IRGM: variants seen among roughly 807,000 people sequenced by gnomAD.
IRGM encodes immunity-related GTPase family M protein.
For missense variants in IRGM, 288 were observed against 219.9 expected, an observed-to-expected ratio of 1.31 and a Z score of -1.96; for synonymous variants, 98 against 80.6, an observed-to-expected ratio of 1.22 and a Z score of -1.16.
At chr5:150,870,621 C>T (rs1396864449) in intron 1 of IRGM, among the ~76,000 whole-genome samples, 2 of 150,396 alleles carry the variant, frequency 1.3e-5, no homozygotes, top group African/African-American at 4.9e-5. Flanking sequence ...TTTCAGCTTG[C>T]TTCCAATAGG....
chr5:150,882,258 T>C (rs561199792), intron 3 of IRGM, among the ~76,000 whole-genome samples: 1 of 145,718 alleles, frequency 6.9e-6, no homozygotes, highest in South Asian at 2.2e-4. Context: ...CAATGTATGC[T>C]GTAAAGAAAA....
At chr5:150,889,264 G>C (rs1455391437) in intron 3 of IRGM, among the ~76,000 whole-genome samples, 4 of 151,940 alleles carry the variant, frequency 2.6e-5, no homozygotes, top group South Asian at 4.2e-4. Context: ...CACATGGCTG[G>C]GGAGGCCTCA....
intron 1 of IRGM, among the ~76,000 whole-genome samples, chr5:150,863,042 A>T (rs181020054): frequency 3.3e-5 from 5 of 152,362 alleles, no homozygotes; most frequent in Admixed American, 3.3e-4. Context: ...AAGAAAAACA[A>T]AACAGTAGAG....
intron 3 of IRGM, chr5:150,896,866 A>G (rs1244547302): frequency 6.2e-7 from 1 of 1,613,582 alleles, no homozygotes; most frequent in South Asian, 1.1e-5. Context: ...CAGACTTTTA[A>G]AATGGAGCAC....
At chr5:150,891,893 T>G (rs980324434) in intron 3 of IRGM, among the ~76,000 whole-genome samples, 1 of 152,132 alleles carries the variant, frequency 6.6e-6, no homozygotes, top group African/African-American at 2.4e-5. Context: ...CAGGATCTTT[T>G]AATTTTTTGG....
At chr5:150,854,364 T>C (rs967854397) in intron 1 of IRGM, among the ~76,000 whole-genome samples, 2 of 152,236 alleles carry the variant, frequency 1.3e-5, no homozygotes, top group African/African-American at 4.8e-5. Context: ...ATAAAACTAT[T>C]AGTTTTTATA....
At chr5:150,871,894 C>G (rs1156501968) in intron 1 of IRGM, among the ~76,000 whole-genome samples, 1 of 152,146 alleles carries the variant, frequency 6.6e-6, no homozygotes, top group Non-Finnish European at 1.5e-5. Flanking sequence ...GCTCATTGAT[C>G]CAGTTAAAAG....
chr5:150,896,563 C>T (rs1754790497), intron 3 of IRGM: 1 of 1,613,736 alleles, frequency 6.2e-7, no homozygotes, highest in Non-Finnish European at 8.5e-7. Flanking sequence ...GAATTGGGCT[C>T]ACTCTGGCTA....
At position 150,880,956 on chromosome 5, in the gene IRGM, G is replaced by A. The variant is rs540338977; in HGVS notation, c.*140+1310G>A. On this transcript the variant is annotated intron_variant and NMD_transcript_variant, in intron 3 of 3. Coordinates refer to the IRGM transcript ENST00000520549. ...AGCCTGTCCAATGTGGTAAAACCCC[G>A]TCTCTACTAAAAATACAAAAATTAG... 2.6e-5 allele frequency among the ~76,000 whole-genome samples: 4 copies of A among 151,998 alleles called. No homozygotes were observed. The East Asian group carries it at 5.8e-4, about 22-fold the overall frequency.
At chr5:150,883,762 A>G (rs2113291351) in intron 3 of IRGM, among the ~76,000 whole-genome samples, 1 of 152,154 alleles carries the variant, frequency 6.6e-6, no homozygotes, top group Middle Eastern at 3.4e-3. Flanking sequence ...TCTCCCACCA[A>G]AGAAAAGCCC....
chr5:150,898,362 A>T, intron 3 of IRGM: 1 of 1,611,954 alleles, frequency 6.2e-7, no homozygotes, highest in Non-Finnish European at 8.5e-7. Context: ...CAATCTAATC[A>T]CAGCAACTAG....
chr5:150,899,419 TTA>T (rs1754916739), intron 3 of IRGM, among the ~76,000 whole-genome samples: 1 of 151,364 alleles, frequency 6.6e-6, no homozygotes, highest in South Asian at 2.1e-4. Flanking sequence ...ACATTTTTTT[TTA>T]AAAAAAGAAA....
At chr5:150,891,550 A>G (rs1754610314) in intron 3 of IRGM, among the ~76,000 whole-genome samples, 1 of 151,924 alleles carries the variant, frequency 6.6e-6, no homozygotes, top group South Asian at 2.1e-4. Flanking sequence ...TTAAGCTATA[A>G]CTCTGTTTTG....
chr5:150,878,119 G>GAA, intron 2 of IRGM: 1 of 407,448 alleles, frequency 2.5e-6, no homozygotes, highest in Admixed American at 3.4e-5. Context: ...GCTCAGGTGA[G>GAA]AAAAAAAAAT....
rs145390916 is a variant in IRGM, at chr5:150,853,751, A to G, written c.158+5097A>G. Among the ~76,000 whole-genome samples, 144 of 152,124 alleles carry G rather than the reference A, an allele frequency of 9.5e-4. 1 individual carries two copies. Among genetic ancestry groups the G allele is most frequent in the African/African-American group, 3.3e-3 (137 of 41,502 alleles). On this transcript the variant is annotated intron_variant and NMD_transcript_variant, in intron 1 of 3. Coordinates refer to the IRGM transcript ENST00000520549. ...CTGCTCTCTTTCAGTTCCTGTTTGC[A>G]TGGAATATCTCTTTCCACCCTTCCA... is the stretch of plus-strand genomic sequence containing the variant.
rs371871835 is a variant in IRGM, at chr5:150,892,303, A to G, written c.*141-8286A>G. Reference sequence around the variant, plus strand: ...GAACCAATTCAGAAAACGGTGTGGAAGATTAACTGTGTTAATTACAGAAGG... The same window carrying G: ...GAACCAATTCAGAAAACGGTGTGGAGGATTAACTGTGTTAATTACAGAAGG... On this transcript the variant is annotated intron_variant and NMD_transcript_variant, in intron 3 of 3. Coordinates refer to the IRGM transcript ENST00000520549. Among the ~76,000 whole-genome samples, 414 of 140,152 alleles carry G rather than the reference A, an allele frequency of 3.0e-3. 2 individuals carry two copies. Among genetic ancestry groups the G allele is most frequent in the African/African-American group, 0.012 (398 of 32,456 alleles). The allele number at this position is 140,152 out of a possible 152,430, so 91.9% of individuals were successfully genotyped here. A position where few individuals can be genotyped will look rare whatever the true frequency, so the allele number is the denominator to read the frequency against.
rs568214654 is a variant in IRGM, at chr5:150,890,425, A to G, written c.*141-10164A>G. Among the ~76,000 whole-genome samples, 551 of 148,632 alleles carry G rather than the reference A, an allele frequency of 3.7e-3. 6 individuals carry two copies. The highest frequency in any genetic ancestry group is 0.013 in the African/African-American group (513 of 40,852). On this transcript the variant is annotated intron_variant and NMD_transcript_variant, in intron 3 of 3. Coordinates refer to the IRGM transcript ENST00000520549. ...CTTTTTTCCTGAGTCTGACATATCT[A>G]TCTTCTCAAACAGTCAGCTTTTGAT...
intron 3 of IRGM, among the ~76,000 whole-genome samples, chr5:150,888,246 G>A (rs1320004440): frequency 6.6e-6 from 1 of 151,938 alleles, no homozygotes; most frequent in African/African-American, 2.4e-5. Context: ...ATGGTAAAGG[G>A]TTCAATTCAA....
At chr5:150,874,185 T>C (rs1754329957) in intron 1 of IRGM, among the ~76,000 whole-genome samples, 1 of 152,208 alleles carries the variant, frequency 6.6e-6, no homozygotes, top group Non-Finnish European at 1.5e-5. Flanking sequence ...AGCAATATCC[T>C]ATCTTTGGGG....
Sources: gnomAD v4.1 joint callset for allele counts (sites outside exome capture counted in the v4.1 genomes callset) on GRCh38, gnomAD v4.1.1 for gene constraint, MANE v1.5 for transcripts, NCBI Gene and HGNC (gene_info 2026-07-23, HGNC 2026-07-21) for gene names.